The following NEK1 variants were observed in gnomAD, a reference collection of about 807,000 sequenced individuals.
The protein encoded by NEK1 is serine/threonine-protein kinase Nek1.
NEK1 carries 137 observed loss-of-function variants against 182.1 expected under a neutral mutation model. The ratio of observed to expected loss-of-function variants is 0.75; its 90% confidence interval spans 0.65 to 0.87. The LOEUF (loss-of-function observed/expected upper bound fraction) is 0.87. NEK1 is among the 40% of genes least tolerant of loss of function. The pLI is 0.00. For missense variants in NEK1, 1,391 were observed against 1,494.4 expected (o/e 0.93, Z 1.14); for synonymous variants, 513 against 492.2 (o/e 1.04, Z -0.56).
chr4:169,612,332 C>A lies in NEK1; in HGVS notation c.-283G>T, dbSNP rs1024076524. ...CGAAACAAACAAACTGGTTTCTGAG[C>A]CCCGTAGAAACGGCGGGGTGCAGCA... On this transcript the variant is annotated 5_prime_UTR_variant, in exon 1 of 36. Coordinates refer to ENST00000507142, the MANE Select transcript of NEK1 (RefSeq NM_001199397.3). 6.6e-6 allele frequency: 1 copy of A among 152,282 alleles called. No individual in the cohort carries two copies. Among genetic ancestry groups the A allele is most frequent in the Non-Finnish European group, 1.5e-5 (1 of 68,104 alleles). 9.4% of individuals were successfully genotyped at this position (152,282 alleles called of 1,614,324 possible). A position where few individuals can be genotyped will look rare whatever the true frequency, so the allele number is the denominator to read the frequency against.
intron 23 of NEK1, among the ~76,000 whole-genome samples, chr4:169,489,281 A>G (rs568697547): frequency 6.6e-6 from 1 of 152,140 alleles, no homozygotes; most frequent in South Asian, 2.1e-4. Flanking sequence ...GGAGGGAGGG[A>G]GGGAAGGAGG....
intron 18 of NEK1, among the ~76,000 whole-genome samples, chr4:169,550,672 C>T (rs536521673): frequency 3.9e-5 from 6 of 152,296 alleles, no homozygotes; most frequent in African/African-American, 1.4e-4. Context: ...ACCACTGCTC[C>T]TAGGGTAAAT....
chr4:169,434,161 T>C (rs909320969), intron 28 of NEK1, among the ~76,000 whole-genome samples: 12 of 151,472 alleles, frequency 7.9e-5, no homozygotes, highest in East Asian at 3.9e-4. Context: ...GAGAACATAA[T>C]TGAATGGCAC....
At chr4:169,579,727 T>A (rs1197422181) in intron 11 of NEK1, among the ~76,000 whole-genome samples, 1 of 150,764 alleles carries the variant, frequency 6.6e-6, no homozygotes, top group Non-Finnish European at 1.5e-5. Flanking sequence ...AGGCAGAGGT[T>A]GCAGTGAGCT....
chr4:169,399,117 C>G (rs1731203439), intron 35 of NEK1, among the ~76,000 whole-genome samples: 1 of 151,824 alleles, frequency 6.6e-6, no homozygotes, highest in East Asian at 1.9e-4. Context: ...GGCATGGTAG[C>G]ACCTGTAGGC....
At chr4:169,597,154 A>G (rs541642314) in intron 5 of NEK1, among the ~76,000 whole-genome samples, 1 of 152,238 alleles carries the variant, frequency 6.6e-6, no homozygotes, top group East Asian at 1.9e-4. Context: ...ATATCTGACA[A>G]TGTTCTAATA....
At chr4:169,502,072 C>T (rs998155298) in intron 23 of NEK1, among the ~76,000 whole-genome samples, 1 of 151,800 alleles carries the variant, frequency 6.6e-6, no homozygotes, top group Non-Finnish European at 1.5e-5. Flanking sequence ...TACAACGGAT[C>T]CCACAGAAAT....
At chr4:169,431,534 A>G (rs370201093) in intron 29 of NEK1, among the ~76,000 whole-genome samples, 1 of 120,540 alleles carries the variant, frequency 8.3e-6, no homozygotes, top group Non-Finnish European at 1.8e-5. Context: ...ACTAATAGGA[A>G]AAAATGTATA....
intron 18 of NEK1, among the ~76,000 whole-genome samples, chr4:169,540,166 T>C (rs1759178413): frequency 6.6e-6 from 1 of 152,154 alleles, no homozygotes; most frequent in African/African-American, 2.4e-5. Context: ...GTGCTTTTGT[T>C]TAACACTAAT....
Position 169,394,089 on chromosome 4 carries a change from A to G in NEK1, c.*421T>C, listed in dbSNP as rs2110910972. Reference sequence around the variant, plus strand: ...GCCAGAATGAAAACAAGTACTAGACAGAAAAAAGATCATGCTTAAAGACTC... The same window carrying G: ...GCCAGAATGAAAACAAGTACTAGACGGAAAAAAGATCATGCTTAAAGACTC... On this transcript the variant is annotated 3_prime_UTR_variant, in exon 36 of 36. Transcript: ENST00000507142. 1 of 158,220 alleles carries G rather than the reference A, an allele frequency of 6.3e-6. No homozygotes were observed. Among genetic ancestry groups the G allele is most frequent in the Non-Finnish European group, 1.4e-5 (1 of 72,144 alleles). The allele number at this position is 158,220 out of a possible 1,614,324, so 9.8% of individuals were successfully genotyped here. A position where few individuals can be genotyped will look rare whatever the true frequency, so the allele number is the denominator to read the frequency against.
At chr4:169,494,345 A>C (rs893347053) in intron 23 of NEK1, among the ~76,000 whole-genome samples, 2 of 151,990 alleles carry the variant, frequency 1.3e-5, no homozygotes, top group Non-Finnish European at 1.5e-5. Context: ...GAGAACATGC[A>C]GTGTTTGGTT....
chr4:169,508,152 G>A, intron 21 of NEK1, 96 bp downstream of exon 21: 3 of 1,034,070 alleles, frequency 2.9e-6, no homozygotes, highest in East Asian at 2.8e-5. Flanking sequence ...CATCAGTTTT[G>A]TTGTTGTTGT....
At chr4:169,410,708 A>C (rs573650073) in intron 31 of NEK1, among the ~76,000 whole-genome samples, 2 of 152,360 alleles carry the variant, frequency 1.3e-5, no homozygotes, top group African/African-American at 4.8e-5. Context: ...ACTTTAACAA[A>C]TCAAAAGACA....
intron 18 of NEK1, 167 bp downstream of exon 18, chr4:169,555,553 G>A: frequency 1.3e-6 from 1 of 758,640 alleles, no homozygotes; most frequent in Non-Finnish European, 2.2e-6. Flanking sequence ...TGCTTTCAGA[G>A]TAATCAAGGG....
At chr4:169,401,055 CAT>C (rs1731592018) in intron 33 of NEK1, among the ~76,000 whole-genome samples, 1 of 152,096 alleles carries the variant, frequency 6.6e-6, no homozygotes, top group South Asian at 2.1e-4. Flanking sequence ...CAACCTAAGA[CAT>C]ACATCATTAC....
At chr4:169,479,619 T>A (rs904210856) in intron 23 of NEK1, 85 bp from the exon 24 acceptor site, 5 of 1,064,676 alleles carry the variant, frequency 4.7e-6, no homozygotes, top group Non-Finnish European at 6.8e-6. Flanking sequence ...TCACTATTTA[T>A]CCACTCTATC....
rs4692733 is a variant in NEK1 at position 169,585,839 on chromosome 4, C to T, written c.607-290G>A. 1 allele frequency among the ~76,000 whole-genome samples: 152,115 copies of T among 152,238 alleles called. 75,996 individuals carry two copies. Among genetic ancestry groups the T allele is most frequent in the Middle Eastern group, 1 (294 of 294 alleles). On this transcript the variant is annotated intron_variant, in intron 9 of 35. Coordinates refer to ENST00000507142, the MANE Select transcript of NEK1 (RefSeq NM_001199397.3). ...AATCAAATGGTGAAAGGTTATGCCT[C>T]AGAGGTAGCAAAATTAGGGCCAAAG...
At chr4:169,422,298 G>A (rs1667068604) in intron 31 of NEK1, among the ~76,000 whole-genome samples, 1 of 152,200 alleles carries the variant, frequency 6.6e-6, no homozygotes, top group East Asian at 1.9e-4. Flanking sequence ...AAATGGGGTC[G>A]TAGGTAAAGA....
intron 16 of NEK1, among the ~76,000 whole-genome samples, chr4:169,560,293 T>C (rs1414071694): frequency 6.6e-6 from 1 of 152,166 alleles, no homozygotes; most frequent in Non-Finnish European, 1.5e-5. Flanking sequence ...AATTTCCTTG[T>C]GGCTGTATGA....
Sources: allele counts gnomAD v4.1 joint callset (sites outside exome capture counted in the v4.1 genomes callset), GRCh38; gene constraint gnomAD v4.1.1; transcripts MANE v1.5; gene names NCBI Gene and HGNC (gene_info 2026-07-23, HGNC 2026-07-21).